Variants in LMNB2 observed in about 807,000 individuals in gnomAD.
LMNB2 encodes the protein lamin-B2.
In LMNB2, 17 loss-of-function variants were observed where a neutral mutation model predicts 69.3. The ratio of observed to expected loss-of-function variants is 0.25; its 90% CI spans 0.17 to 0.37. The LOEUF is 0.37. Ranked by LOEUF, LMNB2 falls within the 10% of genes least tolerant of loss-of-function variation. LMNB2 has a pLI of 1.00. For missense variants in LMNB2, 789 were observed against 883.6 expected (o/e 0.89, Z 1.36); for synonymous variants, 397 against 389.3 (o/e 1.02, Z -0.23).
intron 1 of LMNB2, among the ~76,000 whole-genome samples, chr19:2,455,410 TGGG>T (rs939698405): frequency 6.6e-6 from 1 of 151,052 alleles, no homozygotes; most frequent in African/African-American, 2.4e-5. Context: ...CCCCCTCAGT[TGGG>T]GGGGGTCCGC....
At chr19:2,449,526 T>C (rs1437972603) in intron 1 of LMNB2, among the ~76,000 whole-genome samples, 1 of 152,218 alleles carries the variant, frequency 6.6e-6, no homozygotes, top group Non-Finnish European at 1.5e-5. Context: ...ATGCCTGAAA[T>C]CCCAGCACTT....
At chr19:2,452,405 G>A (rs1327847406) in intron 1 of LMNB2, among the ~76,000 whole-genome samples, 1 of 151,608 alleles carries the variant, frequency 6.6e-6, no homozygotes, top group Non-Finnish European at 1.5e-5. Flanking sequence ...CTGCACACCA[G>A]CCTGGGCGAC....
At chr19:2,432,857 C>G (rs1971761577) in intron 8 of LMNB2, among the ~76,000 whole-genome samples, 1 of 126,234 alleles carries the variant, frequency 7.9e-6, no homozygotes, top group Non-Finnish European at 1.7e-5. Flanking sequence ...CCCCGTTACC[C>G]CCATGCCCCG....
chr19:2,431,676 C>T lies in LMNB2; in HGVS notation c.1711-18G>A, dbSNP rs368075592. 1.9e-5 allele frequency: 30 copies of T among 1,613,966 alleles called. No homozygotes were observed. Among genetic ancestry groups the T allele is most frequent in the Middle Eastern group, 1.6e-4 (1 of 6,084 alleles). On this transcript the variant is annotated intron_variant, in intron 10 of 11. Coordinates refer to ENST00000325327, the MANE Select transcript of LMNB2 (RefSeq NM_032737.4). ...GCCACTTCCTGTGCGGGACAGGACA[C>T]GGCGGCATGTCCCGGGATCGGGCCC...
chr19:2,431,050 C>T, intron 11 of LMNB2, 98 bp from the exon 12 acceptor site: 1 of 778,280 alleles, frequency 1.3e-6, no homozygotes, highest in Non-Finnish European at 2.3e-6. Flanking sequence ...CAGGGAGGGG[C>T]TGAGCAACAA....
intron 1 of LMNB2, among the ~76,000 whole-genome samples, chr19:2,452,849 T>C (rs542090469): frequency 9.2e-4 from 140 of 152,004 alleles, no homozygotes; most frequent in Non-Finnish European, 1.7e-3. Flanking sequence ...AGCAGGCTCC[T>C]CGGCCTGGCC....
In LMNB2 at chr19:2,429,074, C is replaced by T. The variant is rs1239811670; in HGVS notation, c.*1837G>A. On this transcript the variant is annotated 3_prime_UTR_variant, in exon 12 of 12. Transcript: ENST00000325327. ...AGGCTGTCGGCAAATCACAGACCAACTCCAGGATACAGCTTTGCTCCTCCA... is the reference window on the plus strand; with the variant it reads ...AGGCTGTCGGCAAATCACAGACCAATTCCAGGATACAGCTTTGCTCCTCCA... The T allele has an allele frequency of 3.9e-5, 6 of 152,278 alleles. No homozygotes were observed. The highest frequency in any genetic ancestry group is 1.4e-4 in the African/African-American group (6 of 41,450). 9.4% of individuals were successfully genotyped at this position (152,278 alleles called of 1,614,324 possible).
chr19:2,431,663 G>A lies in LMNB2; in HGVS notation c.1711-5C>T. On this transcript the variant is annotated splice_polypyrimidine_tract_variant and splice_region_variant and intron_variant, in intron 10 of 11. Transcript: ENST00000325327. Reference sequence around the variant, plus strand: ...CACAGTCCTCATGGCCACTTCCTGTGCGGGACAGGACACGGCGGCATGTCC... The same window carrying A: ...CACAGTCCTCATGGCCACTTCCTGTACGGGACAGGACACGGCGGCATGTCC... 6.2e-7 allele frequency: 1 copy of A among 1,614,086 alleles called. No individual in the cohort carries two copies. Among genetic ancestry groups the A allele is most frequent in the Non-Finnish European group, 8.5e-7 (1 of 1,179,990 alleles).
rs189372294 is a variant in LMNB2, at chr19:2,451,174, G to A, written c.264+5496C>T. The stretch of plus-strand genomic sequence containing the variant: ...AAGAATCGCTTCATCGCCTGAATCC[G>A]GGAGGCAGAGGTTGAAGTGAGCGGA... On this transcript the variant is annotated intron_variant, in intron 1 of 11. Coordinates refer to ENST00000325327, the MANE Select transcript of LMNB2 (RefSeq NM_032737.4). Among the ~76,000 whole-genome samples, 6 of 152,254 alleles carry A rather than the reference G, an allele frequency of 3.9e-5. No homozygotes were observed. In the East Asian group the frequency reaches 7.8e-4, roughly 20 times the overall value.
chr19:2,456,788 T>A lies in LMNB2; in HGVS notation c.146A>T (p.Glu49Val). The change falls in exon 1 of 12, where the codon GAG becomes GTG. Residue 49 changes from glutamate (E) to valine (V), a missense_variant. By Grantham distance (121) the Glu-to-Val change is moderately radical. This residue lies in a region of LMNB2 where 145 missense variants were observed against 228.9 expected (regional missense o/e 0.63). Coordinates refer to ENST00000325327, the MANE Select transcript of LMNB2 (RefSeq NM_032737.4). Reference sequence around the variant, plus strand: ...CAGGCGGTCGTTGAGCTCGCGCAGCTCCTCCTTCTCCTGCAGCCGCGACAG... The same window carrying A: ...CAGGCGGTCGTTGAGCTCGCGCAGCACCTCCTTCTCCTGCAGCCGCGACAG... The part of the protein sequence containing the change: ...TRLSRLQEKE[E>V]LRELNDRLAH... The A allele has an allele frequency of 6.6e-7, 1 of 1,520,830 alleles. No individual in the cohort carries two copies. The highest frequency in any genetic ancestry group is 1.2e-5 in the South Asian group (1 of 82,708). The allele number at this position is 1,520,830 out of a possible 1,614,324, so 94.2% of individuals were successfully genotyped here. A position where few individuals can be genotyped will look rare whatever the true frequency, so the allele number is the denominator to read the frequency against.
rs1971850689 is a variant in LMNB2, at chr19:2,438,220, C to G, written c.627G>C (p.Glu209Asp). The change falls in exon 4 of 12, where the codon GAG becomes GAC. Residue 209 changes from glutamate (E) to aspartate (D), a missense_variant. By Grantham distance (45) the Glu-to-Asp change is conservative (BLOSUM62 2). Coordinates refer to ENST00000325327, the MANE Select transcript of LMNB2 (RefSeq NM_032737.4). ...EKETLMRVDL[E>D]NRCQSLQEEL... The stretch of plus-strand genomic sequence containing the variant: ...CCTCCTGCAGGCTCTGGCAGCGGTT[C>G]TCCAGGTCCACACGCATCAGCGTCT... 2.5e-6 allele frequency: 4 copies of G among 1,613,992 alleles called. No individual in the cohort carries two copies. The highest frequency in any genetic ancestry group is 3.4e-6 in the Non-Finnish European group (4 of 1,180,048).
chr19:2,455,024 T>C (rs947513304), intron 1 of LMNB2, among the ~76,000 whole-genome samples: 1 of 151,996 alleles, frequency 6.6e-6, no homozygotes, highest in African/African-American at 2.4e-5. Context: ...TCATATTCTC[T>C]TGGGGGCAGA....
Position 2,453,910 on chromosome 19 carries a change from C to A in LMNB2, c.264+2760G>T, listed in dbSNP as rs936846092. Among the ~76,000 whole-genome samples, 2 of 152,184 alleles carry A rather than the reference C, an allele frequency of 1.3e-5. No individual in the cohort carries two copies. Among genetic ancestry groups the A allele is most frequent in the African/African-American group, 4.8e-5 (2 of 41,434 alleles). On this transcript the variant is annotated intron_variant, in intron 1 of 11. Transcript: ENST00000325327. This position sits in a 1 kb window ranked among gnomAD's most constrained non-coding sequence, Gnocchi z 4.4. ...GCACGCCACGGGTCCAGCAGGCGGC[C>A]TCTAAGTTGGGACAACTCCGCACTG...
At chr19:2,433,599 CCGGT>C in intron 8 of LMNB2, among the ~76,000 whole-genome samples, 1 of 79,736 alleles carries the variant, frequency 1.3e-5, no homozygotes, top group African/African-American at 6.7e-5. Context: ...CCCCCATGCC[CCGGT>C]CATTCCGGTC....
At position 2,430,357 on chromosome 19, in the gene LMNB2, C is replaced by T. The variant is rs1471991311; in HGVS notation, c.*554G>A. 2 of 177,206 alleles carry T rather than the reference C, an allele frequency of 1.1e-5. No individual in the cohort carries two copies. Among genetic ancestry groups the T allele is most frequent in the Admixed American group, 5.4e-5 (1 of 18,538 alleles). 11.0% of individuals were successfully genotyped at this position (177,206 alleles called of 1,614,324 possible). On this transcript the variant is annotated 3_prime_UTR_variant, in exon 12 of 12. Transcript: ENST00000325327. ...CCCAGGCAGCGGAGTGAAAACCCGC[C>T]CTGGGGGCCACGCCATCCCCATGCT... is the stretch of plus-strand genomic sequence containing the variant.
intron 11 of LMNB2, 60 bp from the exon 12 acceptor site, chr19:2,431,012 A>C: frequency 8.9e-7 from 1 of 1,120,804 alleles, no homozygotes. Context: ...GGCAGCCGGC[A>C]GGTAGATGGC....
intron 4 of LMNB2, 130 bp downstream of exon 4, chr19:2,438,033 G>T: frequency 3.6e-6 from 5 of 1,393,824 alleles, no homozygotes; most frequent in Non-Finnish European, 5.0e-6. Flanking sequence ...TAAGAGGCAG[G>T]AAGGAGCCTC....
chr19:2,454,944 G>A (rs1018806957), intron 1 of LMNB2, among the ~76,000 whole-genome samples: 2 of 152,134 alleles, frequency 1.3e-5, no homozygotes, highest in African/African-American at 4.8e-5. Flanking sequence ...AGTCTGCACT[G>A]AAGCCTCGGG....
At chr19:2,431,514 G>T (rs554410883) in intron 11 of LMNB2, 34 bp downstream of exon 11, 2 of 1,613,376 alleles carry the variant, frequency 1.2e-6, no homozygotes, top group South Asian at 1.1e-5. Context: ...CCCAGAGGCT[G>T]CCCCCCAGCC....
Sources: gnomAD v4.1 joint callset for allele counts (sites outside exome capture counted in the v4.1 genomes callset) on GRCh38, gnomAD v4.1.1 for gene constraint, gnomAD v4.1.1 regional missense constraint, Gnocchi (gnomAD v3.1) non-coding constraint, MANE v1.5 for transcripts, NCBI Gene and HGNC (gene_info 2026-07-23, HGNC 2026-07-21) for gene names.